Variants in RFX7 observed in about 807,000 individuals in gnomAD.
RFX7 encodes the protein regulatory factor X7.
Under a neutral mutation model 111.8 loss-of-function variants are expected in RFX7, and 26 were observed. The observed-to-expected ratio is 0.23, with a 90% CI of 0.17 to 0.32. The LOEUF is 0.32. RFX7 is among the 10% of genes least tolerant of loss of function. The pLI is 1.00. For synonymous variants in RFX7, 624 were observed against 624.4 expected (o/e 1.00, Z 0.01); for missense variants, 1,573 against 1,772.9 (o/e 0.89, Z 2.02).
intron 2 of RFX7, among the ~76,000 whole-genome samples, chr15:56,212,300 A>T (rs2043320466): frequency 6.6e-6 from 1 of 152,208 alleles, no homozygotes; most frequent in South Asian, 2.1e-4. Flanking sequence ...TGCAGGGAAA[A>T]AGCAAAACTA....
intron 6 of RFX7, 58 bp from the exon 7 acceptor site, chr15:56,102,311 C>A (rs1185213978): frequency 9.9e-6 from 10 of 1,015,112 alleles, no homozygotes; most frequent in South Asian, 1.6e-5. Context: ...ATACAGACAG[C>A]ACTTTAAAAG....
At chr15:56,216,218 G>T (rs2043361698) in intron 2 of RFX7, among the ~76,000 whole-genome samples, 1 of 152,094 alleles carries the variant, frequency 6.6e-6, no homozygotes, top group Non-Finnish European at 1.5e-5. Context: ...TATAAGATTA[G>T]AATTATTTGT....
chr15:56,102,372 TTCTGAA>T (rs1181713134), intron 6 of RFX7, 119 bp from the exon 7 acceptor site: 6 of 548,696 alleles, frequency 1.1e-5, no homozygotes, highest in Non-Finnish European at 1.9e-5. Context: ...AACATCTACT[TTCTGAA>T]TTCTTCAGTA....
chr15:56,181,079 A>G (rs1407013789), intron 2 of RFX7, among the ~76,000 whole-genome samples: 2 of 152,208 alleles, frequency 1.3e-5, no homozygotes, highest in Non-Finnish European at 2.9e-5. Context: ...TGAAGATGAC[A>G]TTAGTCCTTT....
chr15:56,151,535 G>A (rs193256032), intron 3 of RFX7, among the ~76,000 whole-genome samples: 2 of 152,296 alleles, frequency 1.3e-5, no homozygotes, highest in African/African-American at 4.8e-5. Flanking sequence ...TGCCAGACCT[G>A]CCTTACAAGA....
chr15:56,153,492 A>T (rs538385007), intron 3 of RFX7, among the ~76,000 whole-genome samples: 1 of 152,278 alleles, frequency 6.6e-6, no homozygotes, highest in South Asian at 2.1e-4. Flanking sequence ...ATCAATAAAC[A>T]TAATCCCATC....
At chr15:56,205,844 A>T (rs1307201421) in intron 2 of RFX7, among the ~76,000 whole-genome samples, 1 of 152,216 alleles carries the variant, frequency 6.6e-6, no homozygotes, top group Non-Finnish European at 1.5e-5. Context: ...TGCTAAAGCA[A>T]TCAGACACTC....
At chr15:56,118,463 G>A (rs767609822) in intron 5 of RFX7, among the ~76,000 whole-genome samples, 2 of 152,092 alleles carry the variant, frequency 1.3e-5, no homozygotes, top group Non-Finnish European at 2.9e-5. Context: ...CCTGTAAATG[G>A]TTTATTTCAC....
At chr15:56,165,178 T>C (rs2042769072) in intron 3 of RFX7, among the ~76,000 whole-genome samples, 2 of 152,208 alleles carry the variant, frequency 1.3e-5, no homozygotes, top group Admixed American at 1.3e-4. Flanking sequence ...CAGGCAGTAA[T>C]GCTTGCTCGC....
At position 56,185,482 on chromosome 15, in the gene RFX7, T is replaced by C. The variant is rs185703810; in HGVS notation, c.162-6179A>G. ...ATTTTATCTACCAGTTTCTGACATA[T>C]GTTAAATATCCAACTACAACTGGAC... On this transcript the variant is annotated intron_variant, in intron 2 of 9. Coordinates refer to ENST00000559447, the MANE Select transcript of RFX7 (RefSeq NM_022841.7). 4.1e-3 allele frequency among the ~76,000 whole-genome samples: 617 copies of C among 152,320 alleles called. 2 individuals carry two copies. Among genetic ancestry groups the C allele is most frequent in the Non-Finnish European group, 7.2e-3 (490 of 68,002 alleles).
intron 2 of RFX7, among the ~76,000 whole-genome samples, chr15:56,191,282 T>C (rs576569611): frequency 1.3e-5 from 2 of 152,222 alleles, no homozygotes; most frequent in African/African-American, 4.8e-5. Flanking sequence ...ATTAAATATA[T>C]GAAAATTCAA....
chr15:56,192,079 A>C (rs763847294), intron 2 of RFX7, among the ~76,000 whole-genome samples: 5 of 152,160 alleles, frequency 3.3e-5, no homozygotes, highest in Non-Finnish European at 7.4e-5. Context: ...AAATGACAGC[A>C]TTTGTTCCAA....
At chr15:56,097,140 CGAT>C (rs1183460386) in intron 9 of RFX7, among the ~76,000 whole-genome samples, 5 of 152,066 alleles carry the variant, frequency 3.3e-5, no homozygotes, top group Admixed American at 1.3e-4. Flanking sequence ...TTTAATAACA[CGAT>C]GATGATAATA....
chr15:56,129,233 G>A (rs182261278), intron 5 of RFX7, among the ~76,000 whole-genome samples: 1 of 152,194 alleles, frequency 6.6e-6, no homozygotes, highest in Non-Finnish European at 1.5e-5. Flanking sequence ...AAATTAGCCA[G>A]GCGTGGTGGT....
chr15:56,184,546 T>C (rs1206140287), intron 2 of RFX7, among the ~76,000 whole-genome samples: 2 of 152,198 alleles, frequency 1.3e-5, no homozygotes, highest in Non-Finnish European at 2.9e-5. Context: ...AAACTTTCTG[T>C]AATCAAGAAT....
chr15:56,163,674 G>A (rs1433270467), intron 3 of RFX7, among the ~76,000 whole-genome samples: 1 of 152,182 alleles, frequency 6.6e-6, no homozygotes, highest in Non-Finnish European at 1.5e-5. Context: ...AGGAAAGTGA[G>A]AAGGCAACAT....
rs190160957 is a variant in RFX7 at position 56,121,818 on chromosome 15, C to A, written c.402-18148G>T. On this transcript the variant is annotated intron_variant, in intron 5 of 9. Coordinates refer to ENST00000559447, the MANE Select transcript of RFX7 (RefSeq NM_022841.7). ...ATTCTGCAAGTAAGAGACTCTGATG[C>A]ATTCTTCAGTGTATTAATTGCATCT... Among the ~76,000 whole-genome samples the A allele has an allele frequency of 2.0e-5, 3 of 152,252 alleles. No individual in the cohort carries two copies. In the East Asian group the frequency reaches 5.8e-4, roughly 29 times the overall value.
Position 56,176,871 on chromosome 15 carries a change from CCTAA to C in RFX7, c.195+2395_195+2398del, listed in dbSNP as rs1192059537. On this transcript the variant is annotated intron_variant, in intron 3 of 9. Coordinates refer to ENST00000559447, the MANE Select transcript of RFX7 (RefSeq NM_022841.7). Reference sequence around the variant, plus strand: ...ATTATCTACTGAACTTCTGCAATAGCCTAACTAATTTTCCTGCTTTTACTCATAT... The same window carrying C: ...ATTATCTACTGAACTTCTGCAATAGCCTAATTTTCCTGCTTTTACTCATAT... 5.9e-5 allele frequency among the ~76,000 whole-genome samples: 9 copies of C among 152,124 alleles called. No individual in the cohort carries two copies. In the South Asian group the frequency reaches 1.0e-3, roughly 18 times the overall value.
intron 5 of RFX7, among the ~76,000 whole-genome samples, chr15:56,115,434 G>C (rs1198195565): frequency 6.6e-6 from 1 of 152,150 alleles, no homozygotes; most frequent in Non-Finnish European, 1.5e-5. Flanking sequence ...ACACGTGTGT[G>C]GTGGAAGGGG....
Sources: gnomAD v4.1 joint callset for allele counts (sites outside exome capture counted in the v4.1 genomes callset) on GRCh38, gnomAD v4.1.1 for gene constraint, MANE v1.5 for transcripts, NCBI Gene and HGNC (gene_info 2026-07-23, HGNC 2026-07-21) for gene names.